The following PALLD variants were observed in gnomAD, a reference collection of about 807,000 sequenced individuals.
PALLD encodes palladin.
In PALLD, 61 loss-of-function variants were observed where a neutral mutation model predicts 123.5. The ratio of observed to expected loss-of-function variants is 0.49; its 90% CI spans 0.40 to 0.61. The LOEUF (loss-of-function observed/expected upper bound fraction) is 0.61, where lower values mean the gene tolerates loss of function less well. PALLD is among the 20% of genes least tolerant of loss of function. PALLD has a pLI of 0.00. For missense variants in PALLD, 1,273 were observed against 1,377.0 expected (o/e 0.92, Z 1.20); for synonymous variants, 465 against 496.4 (o/e 0.94, Z 0.84).
Position 168,894,688 on chromosome 4 carries a change from G to A in PALLD, c.2199+11G>A. ...GAAACAGCTAATCAGGTACCATGTT[G>A]CTCTGGACTTCTTAGGGTAACATTT... is the stretch of plus-strand genomic sequence containing the variant. On this transcript the variant is annotated intron_variant, in intron 12 of 21. Transcript: ENST00000505667. The A allele has an allele frequency of 6.2e-7, 1 of 1,611,720 alleles. No homozygotes were observed. Among genetic ancestry groups the A allele is most frequent in the Non-Finnish European group, 8.5e-7 (1 of 1,178,586 alleles).
At chr4:168,770,590 TTCTG>T (rs1474498748) in intron 10 of PALLD, among the ~76,000 whole-genome samples, 4 of 152,210 alleles carry the variant, frequency 2.6e-5, no homozygotes, top group Non-Finnish European at 4.4e-5. Context: ...TTTTTTGTAC[TTCTG>T]TCTTTTTCCA....
intron 10 of PALLD, among the ~76,000 whole-genome samples, chr4:168,739,745 A>G (rs548109512): frequency 3.3e-5 from 5 of 152,204 alleles, no homozygotes; most frequent in Non-Finnish European, 7.3e-5. Flanking sequence ...CATGTTGTTG[A>G]TAATATAGAA....
intron 10 of PALLD, among the ~76,000 whole-genome samples, chr4:168,738,988 C>CA (rs2150339758): frequency 6.6e-6 from 1 of 152,266 alleles, no homozygotes; most frequent in African/African-American, 2.4e-5. Flanking sequence ...ATGGAATCAA[C>CA]ATTTTTAGTT....
rs1054884477 is a variant in PALLD, at chr4:168,872,178, A to C, written c.1965-18744A>C. On this transcript the variant is annotated intron_variant, in intron 10 of 21. Transcript: ENST00000505667. ...TCAGTTGCTCCTTCTCTCTCTCTCT[A>C]TCGGTACGTGGAATGACTTCAAATA... 2.6e-5 allele frequency among the ~76,000 whole-genome samples: 4 copies of C among 152,140 alleles called. No individual in the cohort carries two copies. The East Asian group carries it at 5.8e-4, about 22-fold the overall frequency.
At chr4:168,691,243 A>C in intron 7 of PALLD, 26 bp from the exon 8 acceptor site, 1 of 1,580,124 alleles carries the variant, frequency 6.3e-7, no homozygotes, top group Non-Finnish European at 8.7e-7. Context: ...CTTTGTTCTA[A>C]TTTATTTTTT....
At chr4:168,838,124 C>T (rs1373498769) in intron 10 of PALLD, among the ~76,000 whole-genome samples, 1 of 152,208 alleles carries the variant, frequency 6.6e-6, no homozygotes, top group Non-Finnish European at 1.5e-5. Flanking sequence ...GTACATGTCA[C>T]CCTCATCAGT....
intron 10 of PALLD, among the ~76,000 whole-genome samples, chr4:168,838,684 T>C (rs1425345073): frequency 6.8e-6 from 1 of 146,654 alleles, no homozygotes; most frequent in African/African-American, 2.5e-5. Context: ...TTTTTTTTTT[T>C]TTTTTTTTTG....
chr4:168,607,306 C>T (rs575264027), intron 2 of PALLD, among the ~76,000 whole-genome samples: 1 of 152,266 alleles, frequency 6.6e-6, no homozygotes, highest in East Asian at 1.9e-4. Context: ...TCCCACCACA[C>T]TTAATGTAGT....
At chr4:168,608,851 T>TTTG (rs566324696) in intron 2 of PALLD, among the ~76,000 whole-genome samples, 2 of 54,616 alleles carry the variant, frequency 3.7e-5, no homozygotes, top group Non-Finnish European at 3.8e-5. Flanking sequence ...GCTATAACTA[T>TTTG]TTTTTTTTTT....
At chr4:168,634,364 G>T (rs1276554228) in intron 2 of PALLD, among the ~76,000 whole-genome samples, 1 of 152,182 alleles carries the variant, frequency 6.6e-6, no homozygotes, top group Non-Finnish European at 1.5e-5. Flanking sequence ...GGATACAGTG[G>T]TTTTTCTGTA....
chr4:168,753,575 T>C (rs1221362451), intron 10 of PALLD, among the ~76,000 whole-genome samples: 1 of 151,960 alleles, frequency 6.6e-6, no homozygotes, highest in Non-Finnish European at 1.5e-5. Flanking sequence ...ACTCACAGGG[T>C]GTAGTGGGGG....
At chr4:168,643,885 C>T (rs928667415) in intron 2 of PALLD, among the ~76,000 whole-genome samples, 2 of 152,074 alleles carry the variant, frequency 1.3e-5, no homozygotes, top group Admixed American at 1.3e-4. Context: ...AACTGAAGCT[C>T]AGAGAGGCTA....
intron 10 of PALLD, among the ~76,000 whole-genome samples, chr4:168,833,980 G>A (rs980055842): frequency 1.3e-4 from 20 of 148,822 alleles, no homozygotes; most frequent in Non-Finnish European, 2.8e-4. Flanking sequence ...ACAAGAGCTA[G>A]ATAATAAACA....
At position 168,674,906 on chromosome 4, in the gene PALLD, T is replaced by C. The variant is rs143725584; in HGVS notation, c.1088-6426T>C. Among the ~76,000 whole-genome samples the C allele has an allele frequency of 5.0e-4, 76 of 152,104 alleles. No individual in the cohort carries two copies. In the East Asian group the frequency reaches 0.014, roughly 27 times the overall value. On this transcript the variant is annotated intron_variant, in intron 3 of 21. Transcript: ENST00000505667. ...CTAGAATATAGGCTGAAGAAGATAGTGCAAGAGAGAAAAATAGATCATGCA... is the reference window on the plus strand; with the variant it reads ...CTAGAATATAGGCTGAAGAAGATAGCGCAAGAGAGAAAAATAGATCATGCA...
chr4:168,782,969 A>AT (rs1268095387), intron 10 of PALLD, among the ~76,000 whole-genome samples: 1 of 151,950 alleles, frequency 6.6e-6, no homozygotes, highest in Non-Finnish European at 1.5e-5. Context: ...AGTGGGCCAG[A>AT]TTTGGACTAT....
chr4:168,832,355 C>G (rs558926740), intron 10 of PALLD, among the ~76,000 whole-genome samples: 2 of 151,886 alleles, frequency 1.3e-5, no homozygotes, highest in Admixed American at 6.6e-5. Flanking sequence ...TCTCCCTCCC[C>G]CGGCCCGCGG....
intron 2 of PALLD, among the ~76,000 whole-genome samples, chr4:168,649,842 G>A (rs1393373545): frequency 2.6e-5 from 4 of 152,156 alleles, no homozygotes; most frequent in African/African-American, 9.7e-5. Flanking sequence ...ATATCATTTT[G>A]TTTTTCTTCA....
At chr4:168,772,327 C>T (rs993608909) in intron 10 of PALLD, among the ~76,000 whole-genome samples, 1 of 152,150 alleles carries the variant, frequency 6.6e-6, no homozygotes. Flanking sequence ...GTTCTTTCAC[C>T]CTTTCAATGT....
At chr4:168,690,538 T>G in intron 6 of PALLD, 65 bp from the exon 7 acceptor site, 1 of 1,593,410 alleles carries the variant, frequency 6.3e-7, no homozygotes, top group Non-Finnish European at 8.6e-7. Flanking sequence ...TATTCTGTGT[T>G]GTGAAATTGC....
Sources: gnomAD v4.1 joint callset for allele counts (sites outside exome capture counted in the v4.1 genomes callset) on GRCh38, gnomAD v4.1.1 for gene constraint, MANE v1.5 for transcripts, NCBI Gene and HGNC (gene_info 2026-07-23, HGNC 2026-07-21) for gene names.